The following CADPS2 variants were observed in gnomAD, a reference collection of about 807,000 sequenced individuals.
The protein encoded by CADPS2 is calcium dependent secretion activator 2, also known as calcium-dependent secretion activator 2.
Under a neutral mutation model 172.5 loss-of-function variants are expected in CADPS2, and 93 were observed. The observed-to-expected ratio is 0.54, with a 90% CI of 0.46 to 0.64. The LOEUF (loss-of-function observed/expected upper bound fraction) is 0.64. Ranked by LOEUF, CADPS2 falls within the 30% of genes least tolerant of loss-of-function variation. CADPS2 has a pLI of 0.00. For missense variants in CADPS2, 1,420 were observed against 1,565.9 expected, an observed-to-expected ratio of 0.91 and a Z score of 1.57; for synonymous variants, 546 against 555.2, an observed-to-expected ratio of 0.98 and a Z score of 0.23.
chr7:122,466,075 T>C (rs892925172), intron 14 of CADPS2, among the ~76,000 whole-genome samples: 2 of 152,188 alleles, frequency 1.3e-5, no homozygotes, highest in Admixed American at 1.3e-4. Context: ...TACCTAACTA[T>C]TGACGAGAAG....
At chr7:122,883,712 T>TG (rs1211789228) in intron 1 of CADPS2, among the ~76,000 whole-genome samples, 1 of 152,176 alleles carries the variant, frequency 6.6e-6, no homozygotes, top group Non-Finnish European at 1.5e-5. Context: ...GGGGGAGGGT[T>TG]GAGTAAAGTA....
intron 2 of CADPS2, chr7:122,681,357 C>T (rs574331914): frequency 7.5e-5 from 110 of 1,468,052 alleles, no homozygotes; most frequent in Admixed American, 2.0e-4. Context: ...CAAAAAGGGC[C>T]GCGGCCACGT....
intron 20 of CADPS2, among the ~76,000 whole-genome samples, chr7:122,395,945 G>C (rs2045058021): frequency 6.6e-6 from 1 of 152,038 alleles, no homozygotes; most frequent in Admixed American, 6.6e-5. Context: ...GAGTAGCTGG[G>C]ATTATAGGCG....
At chr7:122,405,784 A>T (rs2151641771) in intron 20 of CADPS2, among the ~76,000 whole-genome samples, 1 of 152,336 alleles carries the variant, frequency 6.6e-6, no homozygotes, top group South Asian at 2.1e-4. Context: ...TAAGGTAGGA[A>T]TTGTAAGCTT....
intron 1 of CADPS2, among the ~76,000 whole-genome samples, chr7:122,835,352 C>G (rs1808032695): frequency 6.6e-6 from 1 of 152,146 alleles, no homozygotes; most frequent in Non-Finnish European, 1.5e-5. Context: ...AGCAGAAAAG[C>G]TGAAAATTCT....
chr7:122,540,037 CTCATT>C (rs1456128688), intron 8 of CADPS2, among the ~76,000 whole-genome samples: 8 of 151,968 alleles, frequency 5.3e-5, no homozygotes, highest in Non-Finnish European at 1.2e-4. Context: ...ACTGTTTAAG[CTCATT>C]TCAAGTACAT....
chr7:122,522,673 CTA>C (rs1377370931), intron 8 of CADPS2, among the ~76,000 whole-genome samples: 1 of 152,068 alleles, frequency 6.6e-6, no homozygotes, highest in Admixed American at 6.6e-5. Flanking sequence ...TTCTATGTGA[CTA>C]TATGTTTGAA....
At chr7:122,763,955 T>C (rs551833508) in intron 1 of CADPS2, among the ~76,000 whole-genome samples, 1 of 152,232 alleles carries the variant, frequency 6.6e-6, no homozygotes, top group African/African-American at 2.4e-5. Context: ...CATTGACATA[T>C]CCAAAAGTGT....
chr7:122,852,377 A>G (rs1813897526), intron 1 of CADPS2, among the ~76,000 whole-genome samples: 1 of 152,224 alleles, frequency 6.6e-6, no homozygotes, highest in Non-Finnish European at 1.5e-5. Context: ...TGCAGCTTAC[A>G]TTTATGTGTG....
intron 9 of CADPS2, among the ~76,000 whole-genome samples, chr7:122,504,205 T>C (rs1232153530): frequency 1.3e-5 from 2 of 152,176 alleles, no homozygotes; most frequent in East Asian, 1.9e-4. Flanking sequence ...AAAACAATAA[T>C]AGACCTTACA....
chr7:122,778,169 G>A (rs1248374877), intron 1 of CADPS2, among the ~76,000 whole-genome samples: 1 of 152,100 alleles, frequency 6.6e-6, no homozygotes, highest in Non-Finnish European at 1.5e-5. Context: ...TGGAGATAAG[G>A]AACCTGTTGG....
chr7:122,424,249 C>A, intron 17 of CADPS2: 10 of 766,044 alleles, frequency 1.3e-5, no homozygotes, highest in Non-Finnish European at 1.6e-5. Context: ...AGTTAATATT[C>A]TCCCGGAATT....
At chr7:122,769,727 C>T (rs147829612) in intron 1 of CADPS2, among the ~76,000 whole-genome samples, 91 of 152,262 alleles carry the variant, frequency 6.0e-4, no homozygotes, top group African/African-American at 2.0e-3. Context: ...AATACGGGAT[C>T]GCACAAAAGG....
At chr7:122,465,211 TAATATC>T (rs2054980680) in intron 14 of CADPS2, among the ~76,000 whole-genome samples, 4 of 152,138 alleles carry the variant, frequency 2.6e-5, no homozygotes, top group Admixed American at 6.5e-5. Context: ...TTGAATAACT[TAATATC>T]AATACATTTA....
chr7:122,592,701 G>T (rs989631351), intron 6 of CADPS2, among the ~76,000 whole-genome samples: 1 of 151,960 alleles, frequency 6.6e-6, no homozygotes, highest in Non-Finnish European at 1.5e-5. Flanking sequence ...CATGGATGAA[G>T]GTGGAAACCA....
chr7:122,742,874 C>T (rs2092559503), intron 1 of CADPS2, among the ~76,000 whole-genome samples: 1 of 152,062 alleles, frequency 6.6e-6, no homozygotes, highest in South Asian at 2.1e-4. Flanking sequence ...TCCTCCAGGT[C>T]GTTTTAAAAA....
At chr7:122,740,420 G>A (rs540444329) in intron 1 of CADPS2, among the ~76,000 whole-genome samples, 5 of 152,200 alleles carry the variant, frequency 3.3e-5, no homozygotes, top group African/African-American at 1.2e-4. Context: ...AACCTTAAAT[G>A]CATATTACTA....
At chr7:122,682,278 G>A (rs1021326472) in intron 2 of CADPS2, among the ~76,000 whole-genome samples, 3 of 152,156 alleles carry the variant, frequency 2.0e-5, no homozygotes, top group African/African-American at 2.4e-5. Flanking sequence ...AGGGAGCAAC[G>A]GAATGGCAAA....
Position 122,451,416 on chromosome 7 carries a change from T to C in CADPS2, c.2246A>G (p.Glu749Gly), listed in dbSNP as rs1464165499. The C allele has an allele frequency of 6.3e-7, 1 of 1,579,608 alleles. No individual in the cohort carries two copies. Among genetic ancestry groups the C allele is most frequent in the Non-Finnish European group, 8.6e-7 (1 of 1,161,416 alleles). ...EEKERFEEIKERLSSLLENQI... is the reference protein window; with the variant it reads ...EEKERFEEIKGRLSSLLENQI... ...ATTTTCTAAAAGGGAAGAGAGTCTC[T>C]CTTTTATCTCCTCAAATCTTTCTTT... The change falls in exon 15 of 30, where the codon GAG becomes GGG. Residue 749 changes from glutamate to glycine, a missense_variant. Coordinates refer to ENST00000449022, the MANE Select transcript of CADPS2 (RefSeq NM_017954.11).
Sources: gnomAD v4.1 joint callset for allele counts (sites outside exome capture counted in the v4.1 genomes callset) on GRCh38, gnomAD v4.1.1 for gene constraint, MANE v1.5 for transcripts, NCBI Gene and HGNC (gene_info 2026-07-23, HGNC 2026-07-21) for gene names.